The following URB2 variants were observed in gnomAD, a reference collection of about 807,000 sequenced individuals.
URB2 encodes the protein unhealthy ribosome biogenesis protein 2 homolog.
In URB2, 86 loss-of-function variants were observed where a neutral mutation model predicts 120.9. The observed-to-expected ratio is 0.71, with a 90% CI of 0.60 to 0.85. The LOEUF is 0.85. URB2 is among the 40% of genes least tolerant of loss of function. The pLI, the probability that URB2 is intolerant of heterozygous loss-of-function variation, is 0.00. For missense variants in URB2, 1,765 were observed against 1,836.5 expected (o/e 0.96, Z 0.71); for synonymous variants, 755 against 758.4 (o/e 1.00, Z 0.07).
chr1:229,630,896 C>T lies in URB2; in HGVS notation c.127-1373C>T, dbSNP rs141890353. 2.1e-4 allele frequency among the ~76,000 whole-genome samples: 31 copies of T among 148,212 alleles called. No homozygotes were observed. In the East Asian group the frequency reaches 2.7e-3, roughly 13 times the overall value. On this transcript the variant is annotated intron_variant, in intron 2 of 9. Coordinates refer to ENST00000258243, the MANE Select transcript of URB2 (RefSeq NM_014777.4). ...ACTCAGGAGGCTGAGGCAGAAGAAT[C>T]GCTTAAACCTGGGAGGTGGAGGTTG...
chr1:229,643,003 A>T (rs1666050916), intron 4 of URB2, among the ~76,000 whole-genome samples: 2 of 152,226 alleles, frequency 1.3e-5, no homozygotes, highest in South Asian at 2.1e-4. Flanking sequence ...TCTTACAATC[A>T]AGTAAGCTAG....
rs1350868444 is a variant in URB2 at position 229,659,217 on chromosome 1, G to C, written c.4495G>C (p.Asp1499His). 8 of 1,613,916 alleles carry C rather than the reference G, an allele frequency of 5.0e-6. No homozygotes were observed. The highest frequency in any genetic ancestry group is 6.8e-6 in the Non-Finnish European group (8 of 1,180,048). Residue 1499 changes from aspartate to histidine, a missense_variant, in exon 10 of 10, where the codon GAC (aspartate) becomes CAC (histidine). Physicochemically the swap from Asp to His is moderately conservative, Grantham distance 81. Coordinates refer to ENST00000258243, the MANE Select transcript of URB2 (RefSeq NM_014777.4). ...LRASLQPGMR[D>H]IFKELYNDYL... is the part of the protein sequence containing the mutation. ...GGCCTCGCTGCAGCCGGGAATGAGA[G>C]ACATCTTTAAGGAGCTCTATAATGA... is the stretch of plus-strand genomic sequence containing the variant.
At chr1:229,652,236 C>T (rs1465967540) in intron 8 of URB2, among the ~76,000 whole-genome samples, 2 of 151,920 alleles carry the variant, frequency 1.3e-5, no homozygotes, top group Non-Finnish European at 2.9e-5. Context: ...TTTTATTTTG[C>T]AGTATTTTGA....
At position 229,638,185 on chromosome 1, in the gene URB2, T is replaced by G. The variant is rs768842004; in HGVS notation, c.3572T>G (p.Leu1191Arg). The change falls in exon 4 of 10, where the codon CTG becomes CGG. Residue 1191 changes from leucine to arginine, a missense_variant. Physicochemically the swap from Leu to Arg is moderately radical, Grantham distance 102 (BLOSUM62 -2). Coordinates refer to ENST00000258243, the MANE Select transcript of URB2 (RefSeq NM_014777.4). ...ACTCTGTTCTTTTTGGCCCCAGAAC[T>G]GCATCCCAAAAAGGACTCCGTGTTT... ...FLTLFFLAPE[L>R]HPKKDSVFTS... The G allele has an allele frequency of 6.2e-7, 1 of 1,613,274 alleles. No homozygotes were observed. The highest frequency in any genetic ancestry group is 8.5e-7 in the Non-Finnish European group (1 of 1,179,728).
intron 6 of URB2, among the ~76,000 whole-genome samples, chr1:229,646,646 A>T (rs1038960081): frequency 2.6e-5 from 4 of 152,220 alleles, no homozygotes; most frequent in African/African-American, 9.6e-5. Flanking sequence ...GTAATGTTGC[A>T]GATAGGAGTT....
intron 2 of URB2, among the ~76,000 whole-genome samples, chr1:229,628,070 G>C (rs936166034): frequency 2.8e-5 from 4 of 145,080 alleles, no homozygotes; most frequent in African/African-American, 7.6e-5. Context: ...ACAACATAAT[G>C]AGATCCCATC....
At position 229,636,440 on chromosome 1, in the gene URB2, C is replaced by G. The variant is rs79644627; in HGVS notation, c.1827C>G (p.Leu609=). The change falls in exon 4 of 10, where the codon CTC becomes CTG. Residue 609 remains leucine (L), a synonymous_variant. Transcript: ENST00000258243. ...AGGTCAGTGACTCTGTGCTCCTGCT[C>G]TCTTACACTTGGGCCCAGGTGGACG... ...LQKVSDSVLL[L]SYTWAQVDAM... 2.0e-4 allele frequency: 325 copies of G among 1,614,242 alleles called. 1 individual carries two copies. The African/African-American group carries it at 3.6e-3, about 18-fold the overall frequency.
intron 4 of URB2, 52 bp from the exon 5 acceptor site, chr1:229,643,481 T>G: frequency 3.7e-6 from 6 of 1,604,816 alleles, no homozygotes; most frequent in Non-Finnish European, 4.3e-6. Context: ...GGCTACTTGG[T>G]AGTTTATTTC....
intron 4 of URB2, among the ~76,000 whole-genome samples, chr1:229,639,064 C>T (rs1665934841): frequency 6.6e-6 from 1 of 152,116 alleles, no homozygotes; most frequent in Admixed American, 6.5e-5. Context: ...CCAGTAATCC[C>T]AGCACTTTGG....
intron 3 of URB2, among the ~76,000 whole-genome samples, chr1:229,634,706 A>G (rs1157254735): frequency 2.6e-5 from 4 of 152,298 alleles, no homozygotes; most frequent in Non-Finnish European, 5.9e-5. Flanking sequence ...TTGGTAGAAG[A>G]TGGATGGGTG....
rs575828052 is a variant in URB2 at position 229,650,438 on chromosome 1, C to CT, written c.4150-787dup. On this transcript the variant is annotated intron_variant, in intron 7 of 9. Coordinates refer to ENST00000258243, the MANE Select transcript of URB2 (RefSeq NM_014777.4). ...TGTTTTGTCATCAAAATCTCATTTTCTTTTTTTTTTGAGATGGAGTCTCGC... is the reference window on the plus strand; with the variant it reads ...TGTTTTGTCATCAAAATCTCATTTTCTTTTTTTTTTTGAGATGGAGTCTCGC... Among the ~76,000 whole-genome samples the CT allele has an allele frequency of 1.5e-3, 227 of 148,924 alleles. 2 individuals are homozygous for CT. The highest frequency in any genetic ancestry group is 2.4e-3 in the Admixed American group (36 of 14,870).
Position 229,638,032 on chromosome 1 carries a change from C to A in URB2, c.3419C>A (p.Ser1140Tyr), listed in dbSNP as rs777553822. 1.2e-6 allele frequency: 2 copies of A among 1,612,992 alleles called. No individual in the cohort carries two copies. The highest frequency in any genetic ancestry group is 1.7e-6 in the Non-Finnish European group (2 of 1,179,444). Residue 1140 changes from serine (S) to tyrosine (Y), a missense_variant, in exon 4 of 10, where the codon TCC becomes TAC. Physicochemically the swap from Ser to Tyr is moderately radical, Grantham distance 144 (BLOSUM62 -2). Coordinates refer to ENST00000258243, the MANE Select transcript of URB2 (RefSeq NM_014777.4). ...QHCRDGGADI[S>Y]QGSDRTLLSH... ...TGCAGGGATGGAGGGGCCGACATTT[C>A]CCAAGGAAGCGACAGGACGCTGCTC... is the stretch of plus-strand genomic sequence containing the variant.
intron 4 of URB2, among the ~76,000 whole-genome samples, chr1:229,641,887 G>C (rs1321492388): frequency 1.3e-5 from 2 of 152,090 alleles, no homozygotes; most frequent in African/African-American, 4.8e-5. Context: ...GCATGCACCT[G>C]TGGTCCCAAC....
In URB2 at chr1:229,637,584, G is replaced by A; in HGVS notation, c.2971G>A (p.Asp991Asn). 1 of 1,614,194 alleles carries A rather than the reference G, an allele frequency of 6.2e-7. No individual in the cohort carries two copies. The highest frequency in any genetic ancestry group is 8.5e-7 in the Non-Finnish European group (1 of 1,180,026). The change falls in exon 4 of 10, where the codon GAT becomes AAT. Residue 991 changes from aspartate (D) to asparagine (N), a missense_variant. Transcript: ENST00000258243. The part of the protein sequence containing the change: ...ASSRFLIEMD[D>N]PAWLEFLQVI... ...TAGTAGGTTCCTTATTGAGATGGAT[G>A]ATCCCGCTTGGCTGGAATTCCTCCA... is the stretch of plus-strand genomic sequence containing the variant.
intron 3 of URB2, among the ~76,000 whole-genome samples, chr1:229,633,933 G>A (rs1421549014): frequency 6.6e-6 from 1 of 152,028 alleles, no homozygotes; most frequent in African/African-American, 2.4e-5. Context: ...CTGGGTTCAA[G>A]CGATTCTTGT....
chr1:229,631,800 A>G (rs1665674947), intron 2 of URB2, among the ~76,000 whole-genome samples: 1 of 152,224 alleles, frequency 6.6e-6, no homozygotes, highest in South Asian at 2.1e-4. Flanking sequence ...CTTAACAAAT[A>G]TAAGAATGGA....
At position 229,635,105 on chromosome 1, in the gene URB2, T is replaced by G. The variant is rs1558162983; in HGVS notation, c.492T>G (p.Ala164=). The change falls in exon 4 of 10, where the codon GCT becomes GCG. Residue 164 remains alanine, a synonymous_variant. Coordinates refer to ENST00000258243, the MANE Select transcript of URB2 (RefSeq NM_014777.4). The part of the protein sequence containing the change: ...CWSACRQPEG[A]VVAQLFEVIH... ...CGGCCTGCAGGCAGCCCGAAGGAGC[T>G]GTGGTAGCCCAGTTGTTTGAGGTCA... is the stretch of plus-strand genomic sequence containing the variant. 7.4e-6 allele frequency: 12 copies of G among 1,614,064 alleles called. No homozygotes were observed. Among genetic ancestry groups the G allele is most frequent in the Non-Finnish European group, 1.0e-5 (12 of 1,179,970 alleles).
chr1:229,637,960 T>G lies in URB2; in HGVS notation c.3347T>G (p.Leu1116Arg). The change falls in exon 4 of 10, where the codon CTC becomes CGC. Residue 1116 changes from leucine (L) to arginine (R), a missense_variant. By Grantham distance (102) the Leu-to-Arg change is moderately radical (BLOSUM62 -2). Transcript: ENST00000258243. The part of the protein sequence containing the change: ...GARGWRLPSV[L>R]ISSVSTLLEA... ...CGGGGCTGGCGCCTTCCCTCGGTCC[T>G]CATCTCATCCGTCAGCACGCTCTTG... 6.2e-7 allele frequency: 1 copy of G among 1,613,696 alleles called. No homozygotes were observed. Among genetic ancestry groups the G allele is most frequent in the African/African-American group, 1.3e-5 (1 of 75,058 alleles).
In URB2 at chr1:229,636,173, G is replaced by A; in HGVS notation, c.1560G>A (p.Lys520=). The A allele has an allele frequency of 6.2e-7, 1 of 1,614,240 alleles. No individual in the cohort carries two copies. Among genetic ancestry groups the A allele is most frequent in the Non-Finnish European group, 8.5e-7 (1 of 1,180,034 alleles). The part of the protein sequence containing the change: ...ILDTWSLVLE[K]FQSLVLPYLQ... The stretch of plus-strand genomic sequence containing the variant: ...ACACGTGGTCCCTTGTGCTGGAGAA[G>A]TTCCAGTCTTTAGTCTTGCCCTATT... Residue 520 remains lysine, a synonymous_variant, in exon 4 of 10, where the codon AAG becomes AAA. Transcript: ENST00000258243.
Sources: allele counts gnomAD v4.1 joint callset (sites outside exome capture counted in the v4.1 genomes callset), GRCh38; gene constraint gnomAD v4.1.1; transcripts MANE v1.5; gene names NCBI Gene and HGNC (gene_info 2026-07-23, HGNC 2026-07-21).